USP34: variants seen among roughly 807,000 people sequenced by gnomAD.
The protein encoded by USP34 is ubiquitin carboxyl-terminal hydrolase 34.
In USP34, 70 loss-of-function variants were observed where a neutral mutation model predicts 460.3. The observed-to-expected ratio is 0.15, with a 90% CI of 0.13 to 0.19. The LOEUF is 0.19. Among genes scored for constraint, USP34 ranks in the 10% least tolerant of loss-of-function variants. The pLI is 1.00. For missense variants in USP34, 3,985 were observed against 4,236.2 expected (o/e 0.94, Z 1.65); for synonymous variants, 1,647 against 1,405.3 (o/e 1.17, Z -3.85).
intron 3 of USP34, among the ~76,000 whole-genome samples, chr2:61,401,386 C>T (rs371931245): frequency 2.2e-4 from 34 of 151,334 alleles, no homozygotes; most frequent in Non-Finnish European, 2.9e-4. Flanking sequence ...TACAGGCGTG[C>T]ACCACTACGC....
At chr2:61,407,428 A>T (rs767773792) in intron 2 of USP34, among the ~76,000 whole-genome samples, 1 of 152,226 alleles carries the variant, frequency 6.6e-6, no homozygotes, top group Non-Finnish European at 1.5e-5. Context: ...CCTGGTTCTA[A>T]TAATACTTGT....
intron 75 of USP34, among the ~76,000 whole-genome samples, chr2:61,198,041 G>A (rs2103754388): frequency 6.6e-6 from 1 of 152,358 alleles, no homozygotes; most frequent in East Asian, 1.9e-4. Flanking sequence ...TTACAGGTAT[G>A]AGCCACTGTG....
At chr2:61,383,004 A>G (rs1323744823) in intron 6 of USP34, among the ~76,000 whole-genome samples, 1 of 152,224 alleles carries the variant, frequency 6.6e-6, no homozygotes, top group Non-Finnish European at 1.5e-5. Flanking sequence ...GTATTTGCTG[A>G]CTAAATACAG....
chr2:61,275,492 C>T (rs141710454), intron 41 of USP34, among the ~76,000 whole-genome samples: 76 of 151,898 alleles, frequency 5.0e-4, no homozygotes, highest in Non-Finnish European at 8.7e-4. Flanking sequence ...GGTGTGATGG[C>T]GTATGCCTAT....
intron 67 of USP34, among the ~76,000 whole-genome samples, chr2:61,216,298 G>A (rs774933955): frequency 5.3e-5 from 8 of 152,082 alleles, no homozygotes; most frequent in South Asian, 2.1e-4. Context: ...AGTAATTTAC[G>A]ATTTAAAAAA....
intron 41 of USP34, among the ~76,000 whole-genome samples, chr2:61,267,644 T>C (rs1040544638): frequency 1.3e-5 from 2 of 151,604 alleles, no homozygotes; most frequent in African/African-American, 4.8e-5. Context: ...GACAGAGTCT[T>C]GCTCTGTCGC....
At chr2:61,362,909 A>T (rs544093266) in intron 10 of USP34, among the ~76,000 whole-genome samples, 15 of 152,330 alleles carry the variant, frequency 9.8e-5, no homozygotes, top group African/African-American at 3.6e-4. Context: ...TGCCTATTAT[A>T]TCTCAATTTA....
intron 33 of USP34, among the ~76,000 whole-genome samples, chr2:61,290,924 A>G (rs943442973): frequency 1.3e-5 from 2 of 152,130 alleles, no homozygotes; most frequent in African/African-American, 4.8e-5. Flanking sequence ...TAGATACAAC[A>G]TCAAAAGGAC....
At chr2:61,399,565 G>C (rs1168601212) in intron 3 of USP34, among the ~76,000 whole-genome samples, 1 of 151,754 alleles carries the variant, frequency 6.6e-6, no homozygotes, top group Admixed American at 6.6e-5. Flanking sequence ...ACACTAGGAA[G>C]TCTCATTAAA....
At chr2:61,431,276 GC>G (rs1319984113) in intron 1 of USP34, among the ~76,000 whole-genome samples, 1 of 152,108 alleles carries the variant, frequency 6.6e-6, no homozygotes, top group Non-Finnish European at 1.5e-5. Flanking sequence ...AGGCTGGAAT[GC>G]AGTGGCACAA....
chr2:61,374,128 C>T (rs138779553), intron 8 of USP34, among the ~76,000 whole-genome samples: 3 of 149,342 alleles, frequency 2.0e-5, no homozygotes, highest in African/African-American at 7.5e-5. Context: ...TGCACTTCAG[C>T]CTGGGCAATA....
chr2:61,359,283 C>G (rs902739433), intron 10 of USP34, among the ~76,000 whole-genome samples: 2 of 152,136 alleles, frequency 1.3e-5, no homozygotes, highest in African/African-American at 4.8e-5. Context: ...AAAAATAAAC[C>G]TTCATATGAA....
At chr2:61,270,629 T>A (rs1387424053) in intron 41 of USP34, among the ~76,000 whole-genome samples, 1 of 151,940 alleles carries the variant, frequency 6.6e-6, no homozygotes, top group Non-Finnish European at 1.5e-5. Context: ...AGAGACTGGG[T>A]TTCACCACAT....
At chr2:61,245,810 C>A (rs1463575040) in intron 50 of USP34, among the ~76,000 whole-genome samples, 1 of 152,100 alleles carries the variant, frequency 6.6e-6, no homozygotes, top group Non-Finnish European at 1.5e-5. Flanking sequence ...TAGAACAGTG[C>A]CTAGCACACA....
At chr2:61,259,535 G>A (rs920651625) in intron 44 of USP34, among the ~76,000 whole-genome samples, 176 bp downstream of exon 44, 2 of 148,178 alleles carry the variant, frequency 1.3e-5, no homozygotes, top group African/African-American at 5.1e-5. Context: ...CTACAGGCAC[G>A]CACCACCATG....
intron 8 of USP34, among the ~76,000 whole-genome samples, chr2:61,371,178 A>G (rs1692612972): frequency 6.6e-6 from 1 of 152,200 alleles, no homozygotes; most frequent in Admixed American, 6.5e-5. Flanking sequence ...AACAATTCCT[A>G]TCACCTAATG....
chr2:61,430,182 T>A (rs1232952779), intron 1 of USP34, among the ~76,000 whole-genome samples: 2 of 134,456 alleles, frequency 1.5e-5, no homozygotes, highest in Non-Finnish European at 3.0e-5. Flanking sequence ...GCCACTGCAC[T>A]CCCGCCTGGG....
rs746554916 is a variant in USP34, at chr2:61,204,592, T to G, written c.9164A>C (p.Lys3055Thr). 1 of 1,613,190 alleles carries G rather than the reference T, an allele frequency of 6.2e-7. No homozygotes were observed. Among genetic ancestry groups the G allele is most frequent in the Non-Finnish European group, 8.5e-7 (1 of 1,179,794 alleles). The change falls in exon 73 of 80, where the codon AAG becomes ACG. Residue 3055 changes from lysine to threonine, a missense_variant. Transcript: ENST00000398571. ...ELRNACIDVL[K>T]ELVLLSPHDF... ...ATGGGGACTCAAAAGTACAAGTTCC[T>G]TGAGGACATCTGAAAATAAAAACAA...
Position 61,417,000 on chromosome 2 carries a change from G to T in USP34, c.131+3746C>A, listed in dbSNP as rs900340712. The T allele has an allele frequency of 6.8e-6, 9 of 1,321,350 alleles. No individual in the cohort carries two copies. In the Admixed American group the frequency reaches 1.5e-4, roughly 23 times the overall value. The allele number at this position is 1,321,350 out of a possible 1,614,324, so 81.9% of individuals were successfully genotyped here. A position where few individuals can be genotyped will look rare whatever the true frequency, so the allele number is the denominator to read the frequency against. On this transcript the variant is annotated intron_variant, in intron 2 of 79. Transcript: ENST00000398571. ...CCATATCTTCAAATTCATCGGCATT[G>T]AACTTGGTGAAGCCCCACTTCTTCC...
Sources: gnomAD v4.1 joint callset for allele counts (sites outside exome capture counted in the v4.1 genomes callset) on GRCh38, gnomAD v4.1.1 for gene constraint, MANE v1.5 for transcripts, NCBI Gene and HGNC (gene_info 2026-07-23, HGNC 2026-07-21) for gene names.